The following FBXO4 variants were observed in gnomAD, a reference collection of about 807,000 sequenced individuals.
FBXO4 encodes F-box only protein 4.
In FBXO4, 36 loss-of-function variants were observed where a neutral mutation model predicts 43.7. That is an observed-to-expected ratio of 0.82 (90% CI 0.63 to 1.09). The LOEUF is 1.09. FBXO4 is among the 50% of genes least tolerant of loss of function. The probability of loss-of-function intolerance (pLI) is 0.00; values close to 1 mark genes in which losing one functional copy is unlikely to be tolerated. For synonymous variants in FBXO4, 180 were observed against 165.6 expected (o/e 1.09, Z -0.67); for missense variants, 435 against 474.1 (o/e 0.92, Z 0.77).
the FBXO4 span, among the ~76,000 whole-genome samples, chr5:42,010,109 G>A: frequency 2.0e-5 from 3 of 152,162 alleles, no homozygotes; most frequent in South Asian, 4.1e-4. Flanking sequence ...GGTACATTAG[G>A]TAAATAGAAT....
the FBXO4 span, among the ~76,000 whole-genome samples, chr5:42,005,879 A>T: frequency 6.6e-6 from 1 of 152,058 alleles, no homozygotes; most frequent in Non-Finnish European, 1.5e-5. Flanking sequence ...CTTTAAAAAA[A>T]CCAGTGACCC....
At chr5:41,999,497 A>ATG in the FBXO4 span, among the ~76,000 whole-genome samples, 1 of 97,880 alleles carries the variant, frequency 1.0e-5, no homozygotes, top group African/African-American at 5.5e-5. Context: ...ATATATACAT[A>ATG]TATATATGTG....
At chr5:41,999,717 T>C in the FBXO4 span, among the ~76,000 whole-genome samples, 16 of 151,326 alleles carry the variant, frequency 1.1e-4, no homozygotes, top group Admixed American at 4.0e-4. Context: ...GCATCCAGCA[T>C]GGAAGAAAGA....
the FBXO4 span, among the ~76,000 whole-genome samples, chr5:41,999,535 ACATATATATGTATATATATATATATATG>A: frequency 2.5e-4 from 25 of 100,378 alleles, no homozygotes; most frequent in African/African-American, 1.3e-3. Flanking sequence ...ATATATATAT[ACATATATATGTATATATATATATATATG>A]TATATATATA....
chr5:41,965,291 G>T, the FBXO4 span, among the ~76,000 whole-genome samples: 1 of 152,132 alleles, frequency 6.6e-6, no homozygotes, highest in Admixed American at 6.5e-5. Flanking sequence ...CTGTAGCCTT[G>T]CAGTATAGTT....
chr5:41,996,516 G>T, the FBXO4 span, among the ~76,000 whole-genome samples: 1 of 152,180 alleles, frequency 6.6e-6, no homozygotes, highest in African/African-American at 2.4e-5. Context: ...AGCACCATTG[G>T]ATCTGCTGGG....
At chr5:41,987,659 A>C in the FBXO4 span, among the ~76,000 whole-genome samples, 1 of 152,340 alleles carries the variant, frequency 6.6e-6, no homozygotes, top group Middle Eastern at 3.4e-3. Flanking sequence ...AGAATATTCA[A>C]GTTTCAAATT....
chr5:41,988,202 T>C, the FBXO4 span, among the ~76,000 whole-genome samples: 1 of 152,148 alleles, frequency 6.6e-6, no homozygotes, highest in Admixed American at 6.6e-5. Context: ...GAACTTCACA[T>C]GTCCTTCTCA....
chr5:42,018,495 T>G, the FBXO4 span, among the ~76,000 whole-genome samples: 2 of 152,092 alleles, frequency 1.3e-5, no homozygotes, highest in Non-Finnish European at 2.9e-5. Context: ...AGGTTAACAG[T>G]TAAATGAAAG....
chr5:41,947,257 A>C, the FBXO4 span, among the ~76,000 whole-genome samples: 2 of 152,250 alleles, frequency 1.3e-5, no homozygotes, highest in Non-Finnish European at 2.9e-5. Flanking sequence ...AACTACCTTC[A>C]TCAATTAAGA....
chr5:41,941,509 A>G lies in FBXO4; in HGVS notation c.*228A>G, dbSNP rs1306909747. The G allele has an allele frequency of 1.5e-5, 4 of 269,606 alleles. No homozygotes were observed. The highest frequency in any genetic ancestry group is 1.0e-4 in the Admixed American group (2 of 19,796). 16.7% of individuals were successfully genotyped at this position (269,606 alleles called of 1,614,324 possible). A position where few individuals can be genotyped will look rare whatever the true frequency, so the allele number is the denominator to read the frequency against. ...TTAGCCCCAAAATGAACCTTTAAAC[A>G]TTTTTTTGGTAATTTTTATATTTTC... On this transcript the variant is annotated 3_prime_UTR_variant, in exon 7 of 7. Transcript: ENST00000281623.
At chr5:41,949,281 T>A in the FBXO4 span, among the ~76,000 whole-genome samples, 2 of 152,202 alleles carry the variant, frequency 1.3e-5, no homozygotes, top group Non-Finnish European at 2.9e-5. Flanking sequence ...TTGTCTCTAT[T>A]TGCAGATGAC....
chr5:41,927,330 C>T (rs1448575763), intron 2 of FBXO4, 82 bp downstream of exon 2: 3 of 1,021,980 alleles, frequency 2.9e-6, no homozygotes, highest in Admixed American at 5.1e-5. Flanking sequence ...AATCCTGACC[C>T]TGCTACTGAT....
chr5:41,980,776 T>A, the FBXO4 span, among the ~76,000 whole-genome samples: 1 of 152,080 alleles, frequency 6.6e-6, no homozygotes, highest in African/African-American at 2.4e-5. Flanking sequence ...CCTGTGTATT[T>A]TTTTTTTGTT....
chr5:41,961,106 G>C, the FBXO4 span, among the ~76,000 whole-genome samples: 1 of 152,022 alleles, frequency 6.6e-6, no homozygotes, highest in Admixed American at 6.5e-5. Context: ...CCGTTTCTGC[G>C]TGGGGTGCAG....
chr5:41,932,641 T>A (rs1186648146), intron 3 of FBXO4, among the ~76,000 whole-genome samples: 1 of 152,188 alleles, frequency 6.6e-6, no homozygotes, highest in African/African-American at 2.4e-5. Context: ...TAGATACCAT[T>A]ATTAAAAAAT....
chr5:41,978,361 T>A, the FBXO4 span, among the ~76,000 whole-genome samples: 7 of 152,154 alleles, frequency 4.6e-5, no homozygotes. Context: ...ACATTCAAAC[T>A]CTATTACTTA....
At chr5:41,939,371 T>C (rs1218539300) in intron 5 of FBXO4, 70 bp from the exon 6 acceptor site, 9 of 1,399,844 alleles carry the variant, frequency 6.4e-6, no homozygotes, top group Non-Finnish European at 8.7e-6. Flanking sequence ...GCTTTGTTAG[T>C]TTTTTATTTT....
intron 6 of FBXO4, among the ~76,000 whole-genome samples, chr5:41,940,748 T>C (rs1392377082): frequency 1.3e-5 from 2 of 152,230 alleles, no homozygotes; most frequent in African/African-American, 4.8e-5. Flanking sequence ...GTTTGAAAAC[T>C]ACTAATAAAG....
Sources: allele counts gnomAD v4.1 joint callset (sites outside exome capture counted in the v4.1 genomes callset), GRCh38; gene constraint gnomAD v4.1.1; transcripts MANE v1.5; gene names NCBI Gene and HGNC (gene_info 2026-07-23, HGNC 2026-07-21).